POLR3F: variants seen among roughly 807,000 people sequenced by gnomAD.
POLR3F encodes the protein RNA polymerase III subunit F.
In POLR3F, 31 loss-of-function variants were observed where a neutral mutation model predicts 43.6. The ratio of observed to expected loss-of-function variants is 0.71; its 90% CI spans 0.53 to 0.96. The LOEUF (loss-of-function observed/expected upper bound fraction) is 0.96, where lower values mean the gene tolerates loss of function less well. POLR3F is among the 40% of genes least tolerant of loss of function. The probability of loss-of-function intolerance (pLI) is 0.00; values close to 1 mark genes in which losing one functional copy is unlikely to be tolerated. For synonymous variants in POLR3F, 114 were observed against 132.5 expected (o/e 0.86, Z 0.96); for missense variants, 316 against 391.7 (o/e 0.81, Z 1.63).
intron 8 of POLR3F, among the ~76,000 whole-genome samples, chr20:18,482,393 AG>A (rs1255112706): frequency 2.0e-5 from 3 of 152,200 alleles, no homozygotes; most frequent in Non-Finnish European, 4.4e-5. Context: ...TCACCTAAAT[AG>A]GGCAGAAAAT....
intron 7 of POLR3F, 71 bp downstream of exon 7, chr20:18,480,580 T>C (rs185650458): frequency 2.3e-6 from 2 of 861,310 alleles, no homozygotes; most frequent in African/African-American, 2.1e-5. Context: ...CAAACATGTA[T>C]TTGACCCACA....
At chr20:18,480,546 TTC>T (rs1568581756) in intron 7 of POLR3F, 37 bp downstream of exon 7, 1 of 1,222,120 alleles carries the variant, frequency 8.2e-7, no homozygotes, top group Admixed American at 1.8e-5. Context: ...TTAAAACTTA[TTC>T]TTTGTCACAT....
intron 7 of POLR3F, 129 bp from the exon 8 acceptor site, chr20:18,481,490 C>T (rs888422942): frequency 6.2e-6 from 4 of 645,892 alleles, no homozygotes; most frequent in East Asian, 2.7e-5. Context: ...CCACCTGCCT[C>T]GGCTTCCCAA....
chr20:18,482,993 A>T (rs2059818376), intron 8 of POLR3F, among the ~76,000 whole-genome samples: 1 of 152,008 alleles, frequency 6.6e-6, no homozygotes, highest in Admixed American at 6.6e-5. Context: ...TCTTAATGCC[A>T]CAGTAAAAAA....
At chr20:18,474,898 A>G (rs1253824064) in intron 4 of POLR3F, among the ~76,000 whole-genome samples, 177 bp from the exon 5 acceptor site, 1 of 152,192 alleles carries the variant, frequency 6.6e-6, no homozygotes, top group Non-Finnish European at 1.5e-5. Flanking sequence ...AATCATTATA[A>G]TAAGTCTTAC....
At position 18,482,770 on chromosome 20, in the gene POLR3F, C is replaced by T. The variant is rs147016790; in HGVS notation, c.874-711C>T. Among the ~76,000 whole-genome samples, 583 of 152,324 alleles carry T rather than the reference C, an allele frequency of 3.8e-3. 3 individuals are homozygous for T. Among genetic ancestry groups the T allele is most frequent in the African/African-American group, 0.014 (564 of 41,566 alleles). ...TTTATTTCATTATACCAACCTTTGTCTATATGCCTAAGCTCTCTATGCCTT... is the reference window on the plus strand; with the variant it reads ...TTTATTTCATTATACCAACCTTTGTTTATATGCCTAAGCTCTCTATGCCTT... On this transcript the variant is annotated intron_variant, in intron 8 of 8. Coordinates refer to ENST00000377603, the MANE Select transcript of POLR3F (RefSeq NM_006466.4).
intron 2 of POLR3F, 86 bp downstream of exon 2, chr20:18,469,147 T>C (rs2059733251): frequency 1.3e-6 from 1 of 747,810 alleles, no homozygotes; most frequent in Non-Finnish European, 2.5e-6. Flanking sequence ...GTTAATTTCA[T>C]GTCAACTTGA....
At chr20:18,471,156 G>T (rs915796348) in intron 2 of POLR3F, among the ~76,000 whole-genome samples, 1 of 152,126 alleles carries the variant, frequency 6.6e-6, no homozygotes, top group Non-Finnish European at 1.5e-5. Flanking sequence ...TCCCTGCATT[G>T]TTCACCAGCC....
chr20:18,479,474 G>A (rs574174539), intron 5 of POLR3F, among the ~76,000 whole-genome samples: 5 of 152,188 alleles, frequency 3.3e-5, no homozygotes, highest in Middle Eastern at 3.4e-3. Context: ...CAGCCTGGGC[G>A]ACAGTGCAAG....
Position 18,473,433 on chromosome 20 carries a change from A to G in POLR3F, c.291A>G (p.Gln97=), listed in dbSNP as rs745670683. ...ATAACCAAGAAAAACTAGTATATCAAATCATAGAGGATGCAGGAAATAAAG... is the reference window on the plus strand; with the variant it reads ...ATAACCAAGAAAAACTAGTATATCAGATCATAGAGGATGCAGGAAATAAAG... ...GSDNQEKLVY[Q]IIEDAGNKGI... is the part of the protein sequence containing the mutation. The change falls in exon 4 of 9, where the codon CAA becomes CAG. Residue 97 remains glutamine (Q), a synonymous_variant. Coordinates refer to ENST00000377603, the MANE Select transcript of POLR3F (RefSeq NM_006466.4). 2.3e-5 allele frequency: 34 copies of G among 1,491,856 alleles called. No individual in the cohort carries two copies. The Admixed American group carries it at 5.5e-4, about 24-fold the overall frequency. 92.4% of individuals were successfully genotyped at this position (1,491,856 alleles called of 1,614,324 possible).
At chr20:18,472,798 C>T (rs2059760325) in intron 2 of POLR3F, 44 bp from the exon 3 acceptor site, 3 of 832,830 alleles carry the variant, frequency 3.6e-6, no homozygotes, top group Non-Finnish European at 5.9e-6. Context: ...TTTAACATAT[C>T]TCCAAAATAA....
chr20:18,481,736 A>T lies in POLR3F; in HGVS notation c.799A>T (p.Met267Leu). The stretch of plus-strand genomic sequence containing the variant: ...CACAGTTGGCAGTGTAGATGGACAC[A>T]TGAAACTGTACAGGGCAGTCAATCC... ...EGTVGSVDGH[M>L]KLYRAVNPII... Residue 267 changes from methionine (M) to leucine (L), a missense_variant, in exon 8 of 9, where the codon ATG becomes TTG. This residue lies in a region of POLR3F where 85 missense variants were observed against 80.2 expected (regional missense o/e 1.06). Coordinates refer to ENST00000377603, the MANE Select transcript of POLR3F (RefSeq NM_006466.4). 6.2e-7 allele frequency: 1 copy of T among 1,613,124 alleles called. No homozygotes were observed.
intron 3 of POLR3F, 30 bp downstream of exon 3, chr20:18,472,939 A>G (rs2059761321): frequency 1.9e-6 from 2 of 1,026,426 alleles, no homozygotes; most frequent in Non-Finnish European, 3.0e-6. Context: ...ATTTTAAGAA[A>G]ATGTTTATTA....
At chr20:18,473,361 C>T (rs752337375) in intron 3 of POLR3F, 30 bp from the exon 4 acceptor site, 3 of 933,622 alleles carry the variant, frequency 3.2e-6, no homozygotes, top group Non-Finnish European at 5.3e-6. Context: ...ATAGTCCTTA[C>T]CTTACTAATT....
At chr20:18,476,246 T>G (rs1237409070) in intron 5 of POLR3F, among the ~76,000 whole-genome samples, 1 of 152,224 alleles carries the variant, frequency 6.6e-6, no homozygotes, top group Non-Finnish European at 1.5e-5. Context: ...CCACTAGTAT[T>G]TGTTTCCCAG....
chr20:18,475,526 T>C (rs1316231099), intron 5 of POLR3F, among the ~76,000 whole-genome samples: 2 of 152,340 alleles, frequency 1.3e-5, no homozygotes, highest in South Asian at 4.1e-4. Context: ...TGCCAGACAC[T>C]GTTTTGAGTG....
Position 18,483,759 on chromosome 20 carries a change from A to G in POLR3F, c.*201A>G, listed in dbSNP as rs986711422. On this transcript the variant is annotated 3_prime_UTR_variant, in exon 9 of 9. Transcript: ENST00000377603. ...AAATAGCCAGTAGAATATGAAAGAA[A>G]TAAGGTTAGTAGTGAAATTCATTCT... The G allele has an allele frequency of 4.6e-6, 2 of 430,608 alleles. No individual in the cohort carries two copies. Among genetic ancestry groups the G allele is most frequent in the African/African-American group, 4.1e-5 (2 of 48,874 alleles). The allele number at this position is 430,608 out of a possible 1,614,324, so 26.7% of individuals were successfully genotyped here.
At chr20:18,482,645 T>C (rs1258828964) in intron 8 of POLR3F, among the ~76,000 whole-genome samples, 2 of 152,130 alleles carry the variant, frequency 1.3e-5, no homozygotes, top group East Asian at 3.9e-4. Flanking sequence ...TTCCCAAATA[T>C]TGTAAGTGCC....
intron 2 of POLR3F, among the ~76,000 whole-genome samples, chr20:18,471,034 C>T (rs760913056): frequency 6.6e-6 from 1 of 152,120 alleles, no homozygotes; most frequent in African/African-American, 2.4e-5. Context: ...CATGAGCCAC[C>T]GAGCCTGGCC....
Sources: gnomAD v4.1 joint callset for allele counts (sites outside exome capture counted in the v4.1 genomes callset) on GRCh38, gnomAD v4.1.1 for gene constraint, gnomAD v4.1.1 regional missense constraint, MANE v1.5 for transcripts, NCBI Gene and HGNC (gene_info 2026-07-23, HGNC 2026-07-21) for gene names.